The following XK variants were observed in gnomAD, a reference collection of about 807,000 sequenced individuals.
The protein encoded by XK is endoplasmic reticulum membrane adapter protein XK.
In XK, 2 loss-of-function variants were observed where a neutral mutation model predicts 14.0. The ratio of observed to expected loss-of-function variants is 0.14; its 90% CI spans 0.06 to 0.45. XK has a LOEUF of 0.45. XK is among the 20% of genes least tolerant of loss of function. XK has a pLI of 0.98. For synonymous variants in XK, 149 were observed against 147.5 expected (o/e 1.01, Z -0.08); for missense variants, 235 against 341.5 (o/e 0.69, Z 2.46).
intron 1 of XK, among the ~76,000 whole-genome samples, chrX:37,687,194 TACACACAC>T (rs36002435): frequency 1.0e-4 from 9 of 87,045 alleles, no homozygotes; most frequent in East Asian, 3.6e-4. Context: ...CTCTCTCTCT[TACACACAC>T]ACACACACAC....
chrX:37,707,388 A>AG (rs1346185391), intron 2 of XK, among the ~76,000 whole-genome samples: 1 of 103,446 alleles, frequency 9.7e-6, no homozygotes, highest in East Asian at 3.2e-4. Flanking sequence ...CTGCGGGTGG[A>AG]GGGGCTCCTC....
chrX:37,703,851 A>G (rs1312942217), intron 2 of XK, among the ~76,000 whole-genome samples: 3 of 112,583 alleles, frequency 2.7e-5, no homozygotes, highest in Non-Finnish European at 5.6e-5. Flanking sequence ...CTTGGGAAGC[A>G]CTCAATAACT....
chrX:37,698,940 G>A lies in XK; in HGVS notation c.508+4392G>A, dbSNP rs185906217. ...GCTAGATGAAGAAAAGAAGCCAGGT[G>A]AAGAAAAATCAGGAAAGAGCATCCC... On this transcript the variant is annotated intron_variant, in intron 2 of 2. Transcript: ENST00000378616. Among the ~76,000 whole-genome samples the A allele has an allele frequency of 2.7e-5, 3 of 112,377 alleles. No homozygotes were observed. In the Admixed American group the frequency reaches 2.8e-4, roughly 11 times the overall value.
intron 2 of XK, among the ~76,000 whole-genome samples, chrX:37,703,040 A>G (rs1360031761): frequency 1.8e-5 from 2 of 112,281 alleles, no homozygotes; most frequent in Non-Finnish European, 3.8e-5. Flanking sequence ...CAGATGCTAT[A>G]CAGATTCCTA....
intron 2 of XK, among the ~76,000 whole-genome samples, chrX:37,704,397 T>G (rs1927470625): frequency 9.0e-6 from 1 of 110,861 alleles, no homozygotes; most frequent in African/African-American, 3.3e-5. Flanking sequence ...ATTAGCTGGA[T>G]GTGGTGGTAT....
intron 2 of XK, among the ~76,000 whole-genome samples, chrX:37,716,126 A>G (rs782612954): frequency 8.9e-6 from 1 of 112,110 alleles, no homozygotes; most frequent in South Asian, 3.7e-4. Context: ...GAATAATCCA[A>G]TATCCAGTAT....
chrX:37,730,940 G>C lies in XK; in HGVS notation c.*2478G>C, dbSNP rs1928074991. 8.9e-6 allele frequency: 1 copy of C among 111,929 alleles called. No individual in the cohort carries two copies. The highest frequency in any genetic ancestry group is 9.5e-5 in the Admixed American group (1 of 10,547). The allele number at this position is 111,929 out of a possible 1,213,427, so 9.2% of individuals were successfully genotyped here. On this transcript the variant is annotated 3_prime_UTR_variant, in exon 3 of 3. Coordinates refer to ENST00000378616, the MANE Select transcript of XK (RefSeq NM_021083.4). ...GGTAACTCATTTGGGTATTTTGTCA[G>C]TTTTAACCCTTAATATACAGGTATC...
intron 1 of XK, among the ~76,000 whole-genome samples, chrX:37,693,476 C>CGTGTATGTGTGTGTGTGTGT (rs1556441873): frequency 8.3e-4 from 80 of 95,965 alleles, no homozygotes; most frequent in African/African-American, 3.0e-3. Flanking sequence ...TCTATCAATT[C>CGTGTATGTGTGTGTGTGTGT]GTGTGTGTGT....
intron 2 of XK, among the ~76,000 whole-genome samples, chrX:37,727,423 A>C (rs1323965837): frequency 9.0e-6 from 1 of 111,257 alleles, no homozygotes; most frequent in Non-Finnish European, 1.9e-5. Flanking sequence ...AATTCTTGGC[A>C]CTTCAGCCTG....
At chrX:37,721,512 A>T (rs1488973902) in intron 2 of XK, among the ~76,000 whole-genome samples, 1 of 111,365 alleles carries the variant, frequency 9.0e-6, no homozygotes, top group Non-Finnish European at 1.9e-5. Context: ...ACAATTTCAC[A>T]CCCATTAGAA....
At chrX:37,705,223 A>G (rs2146820312) in intron 2 of XK, among the ~76,000 whole-genome samples, 1 of 110,449 alleles carries the variant, frequency 9.1e-6, no homozygotes, top group South Asian at 3.9e-4. Flanking sequence ...AGGCGGGCGG[A>G]TCACGAGGTC....
Position 37,728,287 on chromosome X carries a change from G to A in XK, c.1160G>A (p.Gly387Asp), listed in dbSNP as rs1556450537. ...KKLFSSSVSE[G>D]FQRWLRCFCW... The stretch of plus-strand genomic sequence containing the variant: ...CTCTTTTCTTCCAGTGTTTCTGAAG[G>A]CTTTCAGAGGTGGCTCAGGTGTTTT... Residue 387 changes from glycine (G) to aspartate (D), a missense_variant, in exon 3 of 3, where the codon GGC (glycine) becomes GAC (aspartate). Gly to Asp is a moderately conservative substitution (Grantham distance 94). Coordinates refer to ENST00000378616, the MANE Select transcript of XK (RefSeq NM_021083.4). 8.3e-7 allele frequency: 1 copy of A among 1,211,170 alleles called. No homozygotes were observed. Among genetic ancestry groups the A allele is most frequent in the Admixed American group, 2.2e-5 (1 of 45,954 alleles).
chrX:37,704,928 A>G (rs1232700313), intron 2 of XK, among the ~76,000 whole-genome samples: 1 of 112,617 alleles, frequency 8.9e-6, no homozygotes, highest in Non-Finnish European at 1.9e-5. Context: ...GTGGAAGTAC[A>G]TAACAAACAT....
intron 2 of XK, among the ~76,000 whole-genome samples, chrX:37,717,246 CTAAT>C (rs1556448020): frequency 9.0e-6 from 1 of 111,096 alleles, no homozygotes; most frequent in African/African-American, 3.3e-5. Context: ...GGGAAATAGA[CTAAT>C]TATATTTATT....
intron 2 of XK, among the ~76,000 whole-genome samples, chrX:37,700,572 G>C (rs980813646): frequency 9.0e-6 from 1 of 111,715 alleles, no homozygotes; most frequent in Non-Finnish European, 1.9e-5. Flanking sequence ...ATTTTAGAAG[G>C]GGCAGTTTCC....
At position 37,710,834 on chromosome X, in the gene XK, A is replaced by G. The variant is rs782430392; in HGVS notation, c.508+16286A>G. 1.3e-4 allele frequency among the ~76,000 whole-genome samples: 14 copies of G among 111,842 alleles called. No homozygotes were observed. The South Asian group carries it at 5.3e-3, about 42-fold the overall frequency. ...AGATAGCCTATATCCTGGAGTTGAA[A>G]AATAATAAGACCAGCAACAACAACA... On this transcript the variant is annotated intron_variant, in intron 2 of 2. Transcript: ENST00000378616.
rs782088477 is a variant in XK, at chrX:37,686,106, G to C, written c.145G>C (p.Ala49Pro). 2.5e-6 allele frequency: 3 copies of C among 1,211,529 alleles called. No individual in the cohort carries two copies. Among genetic ancestry groups the C allele is most frequent in the Non-Finnish European group, 3.4e-6 (3 of 895,420 alleles). The stretch of plus-strand genomic sequence containing the variant: ...GTTGCTTTTCTCGCTACTGCCTTGC[G>C]CGCTCGTGCAGCTCACGCTTCTCTT... ...LTLLFSLLPC[A>P]LVQLTLLFVH... is the part of the protein sequence containing the mutation. Residue 49 changes from alanine (A) to proline (P), a missense_variant, in exon 1 of 3, where the codon GCG becomes CCG. By Grantham distance (27) the Ala-to-Pro change is conservative. Transcript: ENST00000378616.
At chrX:37,701,479 C>A (rs1416585986) in intron 2 of XK, among the ~76,000 whole-genome samples, 1 of 112,677 alleles carries the variant, frequency 8.9e-6, no homozygotes, top group Admixed American at 9.4e-5. Flanking sequence ...TGGCCACATT[C>A]TGCTGCCTGT....
chrX:37,719,040 G>T (rs1364430149), intron 2 of XK, among the ~76,000 whole-genome samples: 1 of 110,968 alleles, frequency 9.0e-6, no homozygotes, highest in African/African-American at 3.3e-5. Context: ...GTGCAGATCT[G>T]CTGGTGACAA....
Sources: gnomAD v4.1 joint callset for allele counts (sites outside exome capture counted in the v4.1 genomes callset) on GRCh38, gnomAD v4.1.1 for gene constraint, MANE v1.5 for transcripts, NCBI Gene and HGNC (gene_info 2026-07-23, HGNC 2026-07-21) for gene names.